The following CYP2C18 variants were observed in gnomAD, a reference collection of about 807,000 sequenced individuals.
CYP2C18 encodes the protein cytochrome P450 family 2 subfamily C member 18.
Under a neutral mutation model 41.3 loss-of-function variants are expected in CYP2C18, and 38 were observed. The observed-to-expected ratio is 0.92, with a 90% CI of 0.71 to 1.21. The LOEUF is 1.21. Ranked by LOEUF, CYP2C18 falls within the 50% of genes most tolerant of loss-of-function variation. The pLI is 0.00. For missense variants in CYP2C18, 635 were observed against 591.4 expected (o/e 1.07, Z -0.77); for synonymous variants, 236 against 210.0 (o/e 1.12, Z -1.07).
At chr10:94,687,672 T>C (rs753003778) in intron 1 of CYP2C18, 98 bp from the exon 2 acceptor site, 1 of 1,073,290 alleles carries the variant, frequency 9.3e-7, no homozygotes, top group Non-Finnish European at 1.4e-6. Flanking sequence ...AGAATAATCA[T>C]AACAACATTA....
chr10:94,727,774 T>C (rs7904581), intron 7 of CYP2C18, among the ~76,000 whole-genome samples: 26,874 of 152,074 alleles, frequency 0.18, 2,617 homozygotes, highest in South Asian at 0.33. Flanking sequence ...TGTAGGTATA[T>C]AGTATACATA....
At chr10:94,724,706 G>C (rs1261069947) in intron 7 of CYP2C18, among the ~76,000 whole-genome samples, 173 bp downstream of exon 7, 1 of 152,072 alleles carries the variant, frequency 6.6e-6, no homozygotes, top group Non-Finnish European at 1.5e-5. Context: ...GTTTATAACA[G>C]GTCTCAGTAT....
intron 5 of CYP2C18, 29 bp from the exon 6 acceptor site, chr10:94,720,367 A>G (rs1389846785): frequency 7.7e-6 from 12 of 1,553,002 alleles, no homozygotes; most frequent in African/African-American, 1.4e-5. Context: ...CAAACTACCA[A>G]ATAATTAAAT....
At chr10:94,710,608 C>T (rs1350931655) in intron 5 of CYP2C18, among the ~76,000 whole-genome samples, 4 of 152,024 alleles carry the variant, frequency 2.6e-5, no homozygotes, top group South Asian at 2.1e-4. Flanking sequence ...TGTACATAAC[C>T]ACTGATTTTT....
chr10:94,689,380 A>G (rs1247197766), intron 3 of CYP2C18, among the ~76,000 whole-genome samples: 4 of 150,006 alleles, frequency 2.7e-5, no homozygotes, highest in African/African-American at 9.8e-5. Context: ...GAAATCTTCA[A>G]CATCTTGGGG....
At chr10:94,711,502 G>A (rs1847435149) in intron 5 of CYP2C18, among the ~76,000 whole-genome samples, 1 of 151,998 alleles carries the variant, frequency 6.6e-6, no homozygotes, top group African/African-American at 2.4e-5. Flanking sequence ...CGACCTTCTG[G>A]ACTCAAGTGA....
chr10:94,712,008 A>ATTTTTTTTGTTTTTTTTTTTTTTTT (rs1847444292), intron 5 of CYP2C18, among the ~76,000 whole-genome samples: 1 of 97,874 alleles, frequency 1.0e-5, no homozygotes, highest in Non-Finnish European at 2.0e-5. Flanking sequence ...TGCCCAACTA[A>ATTTTTTTTGTTTTTTTTTTTTTTTT]TTTTTTTTTT....
chr10:94,706,942 C>G lies in CYP2C18; in HGVS notation c.801C>G (p.Phe267Leu), dbSNP rs748611368. The G allele has an allele frequency of 1.5e-5, 24 of 1,608,036 alleles. No homozygotes were observed. The highest frequency in any genetic ancestry group is 1.0e-4 in the Admixed American group (6 of 58,084). Residue 267 changes from phenylalanine (F) to leucine (L), a missense_variant, in exon 5 of 9, where the codon TTC (phenylalanine) becomes TTG (leucine). Coordinates refer to ENST00000285979, the MANE Select transcript of CYP2C18 (RefSeq NM_000772.3). The stretch of plus-strand genomic sequence containing the variant: ...GTGCTCGGGACTTTATTGATTGTTT[C>G]CTGATCAAAATGGAACAGGTAAAAT... Reference protein sequence around the residue: ...MNSARDFIDCFLIKMEQEKHN... With the variant: ...MNSARDFIDCLLIKMEQEKHN...
chr10:94,730,802 T>C (rs940288823), intron 7 of CYP2C18, among the ~76,000 whole-genome samples: 54 of 152,262 alleles, frequency 3.5e-4, no homozygotes, highest in Admixed American at 3.4e-3. Flanking sequence ...CAAAAGGGCC[T>C]CTGGAAGGGA....
chr10:94,687,336 C>T (rs1265631347), intron 1 of CYP2C18, among the ~76,000 whole-genome samples: 2 of 152,248 alleles, frequency 1.3e-5, no homozygotes, highest in African/African-American at 2.4e-5. Flanking sequence ...GCAGGAGATC[C>T]TGAAGCAGTG....
At chr10:94,704,387 C>A (rs1426848777) in intron 4 of CYP2C18, among the ~76,000 whole-genome samples, 2 of 150,060 alleles carry the variant, frequency 1.3e-5, no homozygotes, top group Non-Finnish European at 3.0e-5. Context: ...ACTATTTTTG[C>A]AAGTCATGTG....
chr10:94,701,262 AT>A (rs1847238094), intron 4 of CYP2C18, among the ~76,000 whole-genome samples: 1 of 152,234 alleles, frequency 6.6e-6, no homozygotes, highest in Non-Finnish European at 1.5e-5. Flanking sequence ...AATATGGCAC[AT>A]ATACACCATG....
intron 4 of CYP2C18, among the ~76,000 whole-genome samples, chr10:94,704,609 G>A (rs976661871): frequency 6.6e-6 from 1 of 152,202 alleles, no homozygotes; most frequent in Non-Finnish European, 1.5e-5. Flanking sequence ...ATTGGCTGGA[G>A]CACTCCTTGT....
chr10:94,720,320 T>G (rs1847625645), intron 5 of CYP2C18, 76 bp from the exon 6 acceptor site: 1 of 1,309,448 alleles, frequency 7.6e-7, no homozygotes, highest in African/African-American at 1.5e-5. Flanking sequence ...TAGAACAACC[T>G]GATATATTTT....
At chr10:94,695,367 C>T (rs1276457684) in intron 4 of CYP2C18, among the ~76,000 whole-genome samples, 2 of 152,190 alleles carry the variant, frequency 1.3e-5, no homozygotes, top group African/African-American at 4.8e-5. Context: ...TGTTCACCTC[C>T]CACTTAAGAG....
intron 5 of CYP2C18, 102 bp downstream of exon 5, chr10:94,707,062 A>C: frequency 1.1e-6 from 1 of 917,004 alleles, no homozygotes; most frequent in South Asian, 1.5e-5. Flanking sequence ...CACTTTATGT[A>C]CTTACCATGT....
chr10:94,730,051 C>T (rs959617982), intron 7 of CYP2C18, among the ~76,000 whole-genome samples: 3 of 152,092 alleles, frequency 2.0e-5, no homozygotes, highest in Non-Finnish European at 4.4e-5. Flanking sequence ...ATTTTGGTCT[C>T]TTTTGCAGTT....
At chr10:94,733,481 AC>A in intron 8 of CYP2C18, 43 bp downstream of exon 8, 2 of 1,607,254 alleles carry the variant, frequency 1.2e-6, no homozygotes, top group Non-Finnish European at 1.7e-6. Context: ...GGCACATGAT[AC>A]CTTTTTGGGA....
At chr10:94,727,623 C>A (rs532737978) in intron 7 of CYP2C18, among the ~76,000 whole-genome samples, 3,152 of 140,130 alleles carry the variant, frequency 0.022, 104 homozygotes, top group African/African-American at 0.067. Flanking sequence ...TCAAAAAAAA[C>A]AAAAAAAAAA....
Sources: allele counts gnomAD v4.1 joint callset (sites outside exome capture counted in the v4.1 genomes callset), GRCh38; gene constraint gnomAD v4.1.1; transcripts MANE v1.5; gene names NCBI Gene and HGNC (gene_info 2026-07-23, HGNC 2026-07-21).